Variants in CAVIN1 observed in about 807,000 individuals in gnomAD.
The protein encoded by CAVIN1 is caveolae-associated protein 1.
Under a neutral mutation model 24.0 loss-of-function variants are expected in CAVIN1, and 16 were observed. The observed-to-expected ratio is 0.67, with a 90% CI of 0.45 to 1.01. The LOEUF is 1.01. Ranked by LOEUF, CAVIN1 falls within the 50% of genes least tolerant of loss-of-function variation. The pLI is 0.00. For synonymous variants in CAVIN1, 256 were observed against 256.4 expected, an observed-to-expected ratio of 1.00 and a Z score of 0.02; for missense variants, 510 against 551.7, an observed-to-expected ratio of 0.92 and a Z score of 0.76.
At chr17:42,421,016 A>G (rs191877430) in intron 1 of CAVIN1, among the ~76,000 whole-genome samples, 186 of 152,260 alleles carry the variant, frequency 1.2e-3, no homozygotes, top group African/African-American at 4.3e-3. Context: ...CCAAGCAGTT[A>G]GACTAAGTGG....
At chr17:42,408,015 C>T (rs2085455527) in intron 1 of CAVIN1, among the ~76,000 whole-genome samples, 1 of 151,812 alleles carries the variant, frequency 6.6e-6, no homozygotes, top group Non-Finnish European at 1.5e-5. Flanking sequence ...ACCTGCAGCC[C>T]CAGTATATAT....
chr17:42,416,457 G>T (rs2085512467), intron 1 of CAVIN1, among the ~76,000 whole-genome samples: 1 of 151,888 alleles, frequency 6.6e-6, no homozygotes, highest in Non-Finnish European at 1.5e-5. Flanking sequence ...GGGCATGGTG[G>T]CTTGTGCCTG....
At position 42,423,086 on chromosome 17, in the gene CAVIN1, G is replaced by A. The variant is rs780083218; in HGVS notation, c.12C>T (p.Pro4=). 13 of 1,585,402 alleles carry A rather than the reference G, an allele frequency of 8.2e-6. No homozygotes were observed. The highest frequency in any genetic ancestry group is 3.6e-5 in the Admixed American group (2 of 56,188). MED[P]TLYIVERPLP... ...GCGGCCGCTCGACAATATAGAGCGT[G>A]GGGTCCTCCATGGCTACCCGGAGCC... is the stretch of plus-strand genomic sequence containing the variant. The change falls in exon 1 of 2, where the codon CCC becomes CCT. Residue 4 remains proline, a synonymous_variant. Transcript: ENST00000357037.
In CAVIN1 at chr17:42,404,496, G is replaced by GC; in HGVS notation, c.*190_*191insG. On this transcript the variant is annotated 3_prime_UTR_variant, in exon 2 of 2. Coordinates refer to ENST00000357037, the MANE Select transcript of CAVIN1 (RefSeq NM_012232.6). ...CCACTCGGACTGTGTCCAAGCGGGG[G>GC]TTGTCCACTGCGGGGGCTGCCTCCC... The GC allele has an allele frequency of 4.3e-6, 2 of 469,396 alleles. No individual in the cohort carries two copies. The highest frequency in any genetic ancestry group is 3.8e-6 in the Non-Finnish European group (1 of 266,450). The allele number at this position is 469,396 out of a possible 1,614,324, so 29.1% of individuals were successfully genotyped here.
At chr17:42,411,307 C>A in intron 1 of CAVIN1, 1 of 365,386 alleles carries the variant, frequency 2.7e-6, no homozygotes, top group Non-Finnish European at 3.8e-6. Context: ...AATCCCAGCA[C>A]TTTGGGAAGC....
At chr17:42,419,797 G>A (rs1448772522) in intron 1 of CAVIN1, among the ~76,000 whole-genome samples, 4 of 152,040 alleles carry the variant, frequency 2.6e-5, no homozygotes, top group Non-Finnish European at 5.9e-5. Flanking sequence ...AGACAGGGAA[G>A]GAAATGCCAG....
At chr17:42,406,859 C>T (rs183270172) in intron 1 of CAVIN1, among the ~76,000 whole-genome samples, 2 of 152,128 alleles carry the variant, frequency 1.3e-5, no homozygotes, top group Non-Finnish European at 2.9e-5. Context: ...CATGTTTTCT[C>T]CCCAGTCTGG....
intron 1 of CAVIN1, among the ~76,000 whole-genome samples, chr17:42,421,365 G>A (rs1167236065): frequency 6.6e-6 from 1 of 152,136 alleles, no homozygotes; most frequent in Non-Finnish European, 1.5e-5. Context: ...CACAACTCCC[G>A]GAAAGGGGTC....
chr17:42,411,558 G>A (rs1165048214), intron 1 of CAVIN1: 1 of 985,234 alleles, frequency 1.0e-6, no homozygotes, highest in African/African-American at 1.7e-5. Context: ...CGATCTCTTT[G>A]CAAAGCATTT....
At chr17:42,405,676 CTCCT>C (rs1474085311) in intron 1 of CAVIN1, among the ~76,000 whole-genome samples, 1 of 93,480 alleles carries the variant, frequency 1.1e-5, no homozygotes, top group South Asian at 4.5e-4. Flanking sequence ...CTCTCTCTCT[CTCCT>C]TGTTTTTTTT....
chr17:42,408,693 G>A (rs2085459575), intron 1 of CAVIN1, among the ~76,000 whole-genome samples: 4 of 150,346 alleles, frequency 2.7e-5, no homozygotes, highest in Admixed American at 1.3e-4. Context: ...GTTTCTCCAT[G>A]TTGATCAGGC....
At chr17:42,406,739 C>T (rs1210599693) in intron 1 of CAVIN1, among the ~76,000 whole-genome samples, 8 of 152,004 alleles carry the variant, frequency 5.3e-5, no homozygotes, top group African/African-American at 1.9e-4. Flanking sequence ...CCCACCTCCA[C>T]CTTCTTTGAC....
Position 42,405,334 on chromosome 17 carries a change from C to A in CAVIN1, c.526G>T (p.Glu176Ter). 6.2e-7 allele frequency: 1 copy of A among 1,610,022 alleles called. No homozygotes were observed. The highest frequency in any genetic ancestry group is 1.1e-5 in the South Asian group (1 of 91,086). The change falls in exon 2 of 2, where the codon GAG (glutamate) becomes TAG (stop). Residue 176 changes from glutamate (E) to a stop codon, truncating the protein, a stop_gained. Transcript: ENST00000357037. LOFTEE classifies it high-confidence loss of function. ...TCGCCCTCCTTCTCTGGCAGCGCCT[C>A]CGACTCTTTCAGCGATTTGCTGATG... Reference protein sequence around the residue: ...LSISKSLKESEALPEKEGEEL... With the variant: ...LSISKSLKES
intron 1 of CAVIN1, among the ~76,000 whole-genome samples, chr17:42,406,095 G>A (rs1283135664): frequency 2.0e-5 from 3 of 152,198 alleles, no homozygotes; most frequent in Non-Finnish European, 2.9e-5. Context: ...CGTAATAATT[G>A]CACTTGGGCT....
At chr17:42,417,457 T>C (rs1244792111) in intron 1 of CAVIN1, among the ~76,000 whole-genome samples, 1 of 8,192 alleles carries the variant, frequency 1.2e-4, no homozygotes, top group East Asian at 6.5e-3. Flanking sequence ...AGAACTTGTC[T>C]CCAAAAAAAA....
chr17:42,407,343 C>T (rs1392318716), intron 1 of CAVIN1, among the ~76,000 whole-genome samples: 1 of 151,990 alleles, frequency 6.6e-6, no homozygotes, highest in Admixed American at 6.6e-5. Context: ...AATCCTGTCC[C>T]CTAAGAAATT....
intron 1 of CAVIN1, among the ~76,000 whole-genome samples, chr17:42,409,163 T>C (rs2085462171): frequency 6.6e-6 from 1 of 151,642 alleles, no homozygotes; most frequent in Admixed American, 6.6e-5. Flanking sequence ...TGCAGTGGCA[T>C]GATTACAGGT....
intron 1 of CAVIN1, among the ~76,000 whole-genome samples, chr17:42,415,785 GA>G (rs1374878949): frequency 6.6e-6 from 1 of 151,912 alleles, no homozygotes; most frequent in African/African-American, 2.4e-5. Flanking sequence ...GCTAATGACA[GA>G]ATGATGAAAT....
intron 1 of CAVIN1, among the ~76,000 whole-genome samples, chr17:42,419,021 G>A (rs577475202): frequency 9.2e-5 from 14 of 152,066 alleles, no homozygotes; most frequent in East Asian, 1.9e-4. Flanking sequence ...GTGAGACCCC[G>A]GACTCTACAA....
Sources: allele counts gnomAD v4.1 joint callset (sites outside exome capture counted in the v4.1 genomes callset), GRCh38; gene constraint gnomAD v4.1.1; transcripts MANE v1.5; gene names NCBI Gene and HGNC (gene_info 2026-07-23, HGNC 2026-07-21).